The following VPS13A variants were observed in gnomAD, a reference collection of about 807,000 sequenced individuals.
The protein encoded by VPS13A is intermembrane lipid transfer protein VPS13A.
Under a neutral mutation model 390.9 loss-of-function variants are expected in VPS13A, and 264 were observed. That is an observed-to-expected ratio of 0.68 (90% CI 0.61 to 0.75). The LOEUF is 0.75. Ranked by LOEUF, VPS13A falls within the 30% of genes least tolerant of loss-of-function variation. The pLI, the probability that VPS13A is intolerant of heterozygous loss-of-function variation, is 0.00. For synonymous variants in VPS13A, 1,231 were observed against 1,227.1 expected, an observed-to-expected ratio of 1.00 and a Z score of -0.07; for missense variants, 3,409 against 3,733.9, an observed-to-expected ratio of 0.91 and a Z score of 2.27.
chr9:77,334,141 G>A (rs1256466330), intron 46 of VPS13A, among the ~76,000 whole-genome samples: 4 of 152,166 alleles, frequency 2.6e-5, no homozygotes, highest in Non-Finnish European at 5.9e-5. Context: ...AGGCATGCAT[G>A]AACAAAGATA....
intron 3 of VPS13A, 27 bp from the exon 4 acceptor site, chr9:77,205,286 C>CTT: frequency 1.9e-4 from 188 of 1,004,498 alleles, no homozygotes; most frequent in Admixed American, 6.2e-4. Context: ...ATTTTTTGTC[C>CTT]TTTTTTTTTT....
At chr9:77,359,487 A>C (rs1012587957) in intron 58 of VPS13A, 85 bp downstream of exon 58, 19 of 1,159,076 alleles carry the variant, frequency 1.6e-5, no homozygotes, top group Admixed American at 2.1e-5. Context: ...AATGTTGGAC[A>C]AGTCAAAGAT....
At chr9:77,209,606 T>G (rs1825860545) in intron 6 of VPS13A, 74 bp downstream of exon 6, 1 of 902,466 alleles carries the variant, frequency 1.1e-6, no homozygotes, top group Non-Finnish European at 1.8e-6. Flanking sequence ...GACACCTACT[T>G]TTTAATGGCC....
chr9:77,368,197 T>TC (rs1165990564), intron 62 of VPS13A, 61 bp downstream of exon 62: 1 of 1,331,916 alleles, frequency 7.5e-7, no homozygotes, highest in African/African-American at 1.4e-5. Context: ...ACCTTTTGTG[T>TC]CTATACATAT....
At chr9:77,239,484 TTTAA>T (rs1824344389) in intron 19 of VPS13A, among the ~76,000 whole-genome samples, 1 of 152,090 alleles carries the variant, frequency 6.6e-6, no homozygotes, top group South Asian at 2.1e-4. Flanking sequence ...TCTTTAATGC[TTTAA>T]TTTTTTTCCC....
chr9:77,353,170 A>T (rs1463907820), intron 53 of VPS13A, among the ~76,000 whole-genome samples: 2 of 152,090 alleles, frequency 1.3e-5, no homozygotes, highest in African/African-American at 2.4e-5. Flanking sequence ...TTAAATTAAA[A>T]AAGTAAACAA....
chr9:77,260,968 G>A (rs908463974), intron 23 of VPS13A, among the ~76,000 whole-genome samples: 6 of 151,198 alleles, frequency 4.0e-5, no homozygotes, highest in African/African-American at 9.7e-5. Flanking sequence ...GCGCAATCTC[G>A]GCTCACTGCA....
At chr9:77,355,224 A>G (rs972607611) in intron 54 of VPS13A, among the ~76,000 whole-genome samples, 1 of 152,168 alleles carries the variant, frequency 6.6e-6, no homozygotes, top group Non-Finnish European at 1.5e-5. Flanking sequence ...TTTTGCTTTC[A>G]ACACACCATG....
chr9:77,205,908 A>C lies in VPS13A; in HGVS notation c.284-70A>C, dbSNP rs1405347545. Reference sequence around the variant, plus strand: ...CCCGGCCAATTAATGATTATTTGTAAGGATTTTTTTGGAATGACTATATTT... The same window carrying C: ...CCCGGCCAATTAATGATTATTTGTACGGATTTTTTTGGAATGACTATATTT... On this transcript the variant is annotated intron_variant, in intron 4 of 71. Transcript: ENST00000360280. 4 of 1,224,116 alleles carry C rather than the reference A, an allele frequency of 3.3e-6. No individual in the cohort carries two copies. In the African/African-American group the frequency reaches 6.1e-5, roughly 19 times the overall value. 75.8% of individuals were successfully genotyped at this position (1,224,116 alleles called of 1,614,324 possible).
At chr9:77,385,768 C>T (rs1338747591) in intron 68 of VPS13A, among the ~76,000 whole-genome samples, 1 of 152,004 alleles carries the variant, frequency 6.6e-6, no homozygotes, top group Non-Finnish European at 1.5e-5. Flanking sequence ...TCAGTATAAG[C>T]AACAGGTGAT....
chr9:77,414,352 A>G (rs555679254), intron 71 of VPS13A, among the ~76,000 whole-genome samples: 50 of 152,324 alleles, frequency 3.3e-4, no homozygotes, highest in Non-Finnish European at 6.9e-4. Flanking sequence ...ATGTCCAACA[A>G]TGATAGACTG....
intron 61 of VPS13A, 55 bp from the exon 62 acceptor site, chr9:77,368,000 A>C: frequency 6.8e-7 from 1 of 1,464,056 alleles, no homozygotes; most frequent in African/African-American, 1.4e-5. Context: ...CATTAATATT[A>C]AAAATACTTT....
intron 1 of VPS13A, among the ~76,000 whole-genome samples, chr9:77,185,655 TC>T (rs1824285895): frequency 6.6e-6 from 1 of 152,238 alleles, no homozygotes; most frequent in African/African-American, 2.4e-5. Flanking sequence ...TATACTTGTT[TC>T]CTTTTTAAAC....
intron 58 of VPS13A, 33 bp from the exon 59 acceptor site, chr9:77,360,503 T>C: frequency 1.3e-6 from 2 of 1,511,754 alleles, no homozygotes; most frequent in Non-Finnish European, 1.8e-6. Context: ...TAATTGATGA[T>C]TTTTAAAAAA....
intron 17 of VPS13A, among the ~76,000 whole-genome samples, chr9:77,236,663 GAATGATGTGTGCTCTTC>G (rs1824164477): frequency 6.6e-6 from 1 of 152,186 alleles, no homozygotes; most frequent in Non-Finnish European, 1.5e-5. Flanking sequence ...TGCTCTAATT[GAATGATGTGTGCTCTTC>G]AAAGGAAAGA....
chr9:77,354,630 G>A (rs754300967), intron 54 of VPS13A, among the ~76,000 whole-genome samples: 1 of 152,090 alleles, frequency 6.6e-6, no homozygotes, highest in Non-Finnish European at 1.5e-5. Flanking sequence ...ACATATGAAA[G>A]TGAGAAAGCA....
rs1829245513 is a variant in VPS13A, at chr9:77,314,100, A to G, written c.4223A>G (p.Tyr1408Cys). The change falls in exon 36 of 72, where the codon TAT (tyrosine) becomes TGT (cysteine). Residue 1408 changes from tyrosine (Y) to cysteine (C), a missense_variant. This residue lies in a region of VPS13A where 2,717 missense variants were observed against 2,917.4 expected (regional missense o/e 0.93). Transcript: ENST00000360280. The stretch of plus-strand genomic sequence containing the variant: ...ACTGATGATCTCACCATGGTGCTGT[A>G]TAGTCCAGGTCCTAAACAGGTAAGT... ...FKTDDLTMVL[Y>C]SPGPKQASFT... 1.2e-6 allele frequency: 2 copies of G among 1,613,372 alleles called. No homozygotes were observed. The highest frequency in any genetic ancestry group is 2.2e-5 in the South Asian group (2 of 91,026).
At position 77,356,862 on chromosome 9, in the gene VPS13A, G is replaced by A. The variant is rs201655637; in HGVS notation, c.7801G>A (p.Val2601Ile). 4.3e-6 allele frequency: 7 copies of A among 1,613,586 alleles called. No individual in the cohort carries two copies. The highest frequency in any genetic ancestry group is 1.7e-5 in the Admixed American group (1 of 59,992). The part of the protein sequence containing the change: ...EDKVIQLDTN[V>I]PVRLTPTGHN... ...TAAGGTTATTCAGTTGGACACTAATGTTCCGGTAATATTTTTAAGTACTGA... is the reference window on the plus strand; with the variant it reads ...TAAGGTTATTCAGTTGGACACTAATATTCCGGTAATATTTTTAAGTACTGA... Residue 2601 changes from valine (V) to isoleucine (I), a missense_variant, in exon 55 of 72, where the codon GTT (valine) becomes ATT (isoleucine). By Grantham distance (29) the Val-to-Ile change is conservative (BLOSUM62 3). This residue lies in a region of VPS13A where 221 missense variants were observed against 300.7 expected (regional missense o/e 0.73). Transcript: ENST00000360280.
chr9:77,302,003 G>A (rs148424635), intron 33 of VPS13A, among the ~76,000 whole-genome samples: 122 of 151,548 alleles, frequency 8.1e-4, no homozygotes, highest in African/African-American at 2.7e-3. Context: ...TGTTGCCCAG[G>A]CTGGAGAGCA....
Sources: allele counts gnomAD v4.1 joint callset (sites outside exome capture counted in the v4.1 genomes callset), GRCh38; gene constraint gnomAD v4.1.1; regional missense constraint gnomAD v4.1.1; transcripts MANE v1.5; gene names NCBI Gene and HGNC (gene_info 2026-07-23, HGNC 2026-07-21).